MYO18B: variants seen among roughly 807,000 people sequenced by gnomAD.
The protein encoded by MYO18B is unconventional myosin-XVIIIb.
MYO18B carries 204 observed loss-of-function variants against 273.0 expected under a neutral mutation model. The observed-to-expected ratio is 0.75, with a 90% CI of 0.67 to 0.84. MYO18B has a LOEUF of 0.84. Ranked by LOEUF, MYO18B falls within the 40% of genes least tolerant of loss-of-function variation. The probability of loss-of-function intolerance (pLI) is 0.00; values close to 1 mark genes in which losing one functional copy is unlikely to be tolerated. For synonymous variants in MYO18B, 1,330 were observed against 1,305.7 expected (o/e 1.02, Z -0.40); for missense variants, 3,212 against 3,287.6 (o/e 0.98, Z 0.56).
chr22:25,920,271 C>T (rs1190336845), intron 33 of MYO18B, among the ~76,000 whole-genome samples: 1 of 152,196 alleles, frequency 6.6e-6, no homozygotes, highest in African/African-American at 2.4e-5. Flanking sequence ...ATTGTATCGT[C>T]TGGTCTCCTG....
intron 40 of MYO18B, among the ~76,000 whole-genome samples, chr22:25,997,958 AAC>A (rs993922964): frequency 5.9e-4 from 62 of 105,748 alleles, no homozygotes; most frequent in East Asian, 9.4e-4. Context: ...CACACACACA[AAC>A]ACACACACAC....
At chr22:25,783,172 C>T (rs2087235479) in intron 10 of MYO18B, among the ~76,000 whole-genome samples, 1 of 152,170 alleles carries the variant, frequency 6.6e-6, no homozygotes, top group African/African-American at 2.4e-5. Context: ...CCTTGATACC[C>T]CTGACAGGCC....
chr22:26,015,267 A>G (rs1192927439), intron 42 of MYO18B, among the ~76,000 whole-genome samples: 1 of 152,232 alleles, frequency 6.6e-6, no homozygotes, highest in Non-Finnish European at 1.5e-5. Flanking sequence ...CAAAAGCAGA[A>G]AAACCATTTG....
chr22:26,037,466 A>G, the MYO18B span, among the ~76,000 whole-genome samples: 34 of 152,138 alleles, frequency 2.2e-4, no homozygotes, highest in Admixed American at 2.1e-3. Flanking sequence ...CTCTTCATTC[A>G]GTGCTCTTCC....
At chr22:25,843,705 C>T in intron 17 of MYO18B, 30 bp from the exon 18 acceptor site, 1 of 1,602,366 alleles carries the variant, frequency 6.2e-7, no homozygotes, top group East Asian at 2.2e-5. Context: ...CAACAGGCTC[C>T]AGCACTCATG....
intron 40 of MYO18B, among the ~76,000 whole-genome samples, chr22:25,999,602 C>T (rs1390252894): frequency 7.5e-6 from 1 of 133,276 alleles, no homozygotes; most frequent in African/African-American, 2.8e-5. Context: ...CCTCCTTTCT[C>T]CTCCTTCTCC....
Position 25,769,005 on chromosome 22 carries a change from C to T in MYO18B, c.1089C>T (p.Gly363=), listed in dbSNP as rs771016445. 113 of 1,610,888 alleles carry T rather than the reference C, an allele frequency of 7.0e-5. No homozygotes were observed. In the East Asian group the frequency reaches 9.4e-4, roughly 13 times the overall value. Residue 363 remains glycine, a synonymous_variant, in exon 4 of 44, where the codon GGC becomes GGT. Transcript: ENST00000335473. The part of the protein sequence containing the change: ...TQMEKTSQVQ[G]ELGDDLRMGE... Reference sequence around the variant, plus strand: ...TGGAGAAGACAAGCCAAGTGCAGGGCGAGTTGGGGGACGATCTGAGAATGG... The same window carrying T: ...TGGAGAAGACAAGCCAAGTGCAGGGTGAGTTGGGGGACGATCTGAGAATGG...
At chr22:25,808,783 G>A (rs1297951333) in intron 12 of MYO18B, among the ~76,000 whole-genome samples, 1 of 152,138 alleles carries the variant, frequency 6.6e-6, no homozygotes, top group African/African-American at 2.4e-5. Flanking sequence ...TGTAAAGTGG[G>A]GATAATCAGA....
chr22:25,903,702 G>A lies in MYO18B; in HGVS notation c.5019G>A (p.Leu1673=). The A allele has an allele frequency of 1.2e-6, 2 of 1,609,468 alleles. No homozygotes were observed. Among genetic ancestry groups the A allele is most frequent in the Non-Finnish European group, 1.7e-6 (2 of 1,177,954 alleles). ...TACAGGACCATAAACGGGAGCTGCT[G>A]GGGTCACCCTCTCTGGGGGAAAATT... The part of the protein sequence containing the change: ...EMLQDHKREL[L]GSPSLGENCV... Residue 1673 remains leucine (L), a synonymous_variant, in exon 31 of 44, where the codon CTG becomes CTA. Coordinates refer to ENST00000335473, the MANE Select transcript of MYO18B (RefSeq NM_032608.7).
In MYO18B at chr22:25,761,065, C is replaced by T. The variant is rs745600377; in HGVS notation, c.-28C>T. On this transcript the variant is annotated 5_prime_UTR_variant, in exon 2 of 44. Coordinates refer to ENST00000335473, the MANE Select transcript of MYO18B (RefSeq NM_032608.7). ...GGCAGGAAGCTCCATCTCATCTCAT[C>T]ATCTCACGGCCCTGGCACTGCCTCA... 6.2e-7 allele frequency: 1 copy of T among 1,613,086 alleles called. No homozygotes were observed. Among genetic ancestry groups the T allele is most frequent in the Non-Finnish European group, 8.5e-7 (1 of 1,179,738 alleles).
the MYO18B span, among the ~76,000 whole-genome samples, chr22:26,046,361 C>G: frequency 2.0e-5 from 3 of 152,200 alleles, no homozygotes; most frequent in Non-Finnish European, 4.4e-5. Flanking sequence ...ATTTCACCTT[C>G]TAACTTGCAC....
intron 25 of MYO18B, among the ~76,000 whole-genome samples, chr22:25,880,550 C>G (rs2091307438): frequency 6.6e-6 from 1 of 152,140 alleles, no homozygotes; most frequent in South Asian, 2.1e-4. Flanking sequence ...CCATGAAGCT[C>G]TGGGTACCTC....
At chr22:25,828,668 T>A in intron 14 of MYO18B, 108 bp from the exon 15 acceptor site, 1 of 1,068,676 alleles carries the variant, frequency 9.4e-7, no homozygotes, top group Non-Finnish European at 1.4e-6. Context: ...TCACACAGCC[T>A]GTAAGAGGTG....
chr22:26,031,020 A>G lies in MYO18B; in HGVS notation c.*590A>G. 5.0e-6 allele frequency: 2 copies of G among 398,400 alleles called. No individual in the cohort carries two copies. The highest frequency in any genetic ancestry group is 8.8e-6 in the Non-Finnish European group (2 of 225,990). 24.7% of individuals were successfully genotyped at this position (398,400 alleles called of 1,614,324 possible). On this transcript the variant is annotated 3_prime_UTR_variant, in exon 44 of 44. Coordinates refer to ENST00000335473, the MANE Select transcript of MYO18B (RefSeq NM_032608.7). ...TGAATGAATGAATGAGCCAAAGAAC[A>G]AATAAATGAGCCCACACACCCTGAA...
At chr22:25,816,035 G>C (rs1360524148) in intron 12 of MYO18B, among the ~76,000 whole-genome samples, 1 of 152,222 alleles carries the variant, frequency 6.6e-6, no homozygotes, top group East Asian at 1.9e-4. Flanking sequence ...ATATGTCCAG[G>C]TTTGTGGGGC....
chr22:25,779,764 G>A (rs1336408954), intron 8 of MYO18B, among the ~76,000 whole-genome samples: 1 of 147,558 alleles, frequency 6.8e-6, no homozygotes, highest in African/African-American at 2.5e-5. Context: ...GGCAGCCTCT[G>A]TTACCCAGAT....
chr22:25,854,577 C>G (rs2090514809), intron 21 of MYO18B, among the ~76,000 whole-genome samples: 1 of 152,166 alleles, frequency 6.6e-6, no homozygotes, highest in Admixed American at 6.5e-5. Context: ...TAAGTACATT[C>G]ATATTTTTGA....
chr22:25,882,320 G>A (rs1026350968), intron 25 of MYO18B, among the ~76,000 whole-genome samples: 2 of 149,656 alleles, frequency 1.3e-5, no homozygotes, highest in Non-Finnish European at 3.0e-5. Context: ...AGCTAAGAGG[G>A]AAACAAGCTA....
At chr22:25,904,216 G>A (rs2146351251) in intron 31 of MYO18B, among the ~76,000 whole-genome samples, 1 of 152,266 alleles carries the variant, frequency 6.6e-6, no homozygotes, top group African/African-American at 2.4e-5. Context: ...AAGTCAGATT[G>A]TTTTTCTCTT....
Sources: gnomAD v4.1 joint callset for allele counts (sites outside exome capture counted in the v4.1 genomes callset) on GRCh38, gnomAD v4.1.1 for gene constraint, MANE v1.5 for transcripts, NCBI Gene and HGNC (gene_info 2026-07-23, HGNC 2026-07-21) for gene names.